MARCHF1: variants seen among roughly 807,000 people sequenced by gnomAD.
MARCHF1 encodes the protein membrane associated ring-CH-type finger 1, also known as E3 ubiquitin-protein ligase MARCHF1.
Under a neutral mutation model 54.2 loss-of-function variants are expected in MARCHF1, and 40 were observed. That is an observed-to-expected ratio of 0.74 (90% CI 0.57 to 0.96). The LOEUF (loss-of-function observed/expected upper bound fraction) is 0.96. Among genes scored for constraint, MARCHF1 ranks in the 40% least tolerant of loss-of-function variants. The probability of loss-of-function intolerance (pLI) is 0.00; values close to 1 mark genes in which losing one functional copy is unlikely to be tolerated. For missense variants in MARCHF1, 586 were observed against 656.5 expected (o/e 0.89, Z 1.17); for synonymous variants, 236 against 236.3 (o/e 1.00, Z 0.01).
intron 1 of MARCHF1, among the ~76,000 whole-genome samples, chr4:164,365,027 T>C (rs1002026658): frequency 1.3e-5 from 2 of 152,042 alleles, no homozygotes; most frequent in Non-Finnish European, 2.9e-5. Flanking sequence ...TTGATAATTA[T>C]GGAATTATTA....
At chr4:163,668,406 A>G (rs1367075594) in intron 5 of MARCHF1, among the ~76,000 whole-genome samples, 2 of 152,222 alleles carry the variant, frequency 1.3e-5, no homozygotes, top group Non-Finnish European at 2.9e-5. Context: ...ATGAAAAAAT[A>G]CTATTTCATA....
chr4:163,923,628 A>C (rs1417846031), intron 3 of MARCHF1, among the ~76,000 whole-genome samples: 1 of 152,100 alleles, frequency 6.6e-6, no homozygotes, highest in African/African-American at 2.4e-5. Context: ...GCAGGAAAGT[A>C]AATCTATCTA....
At chr4:163,996,408 C>A (rs1308815357) in intron 2 of MARCHF1, among the ~76,000 whole-genome samples, 1 of 151,726 alleles carries the variant, frequency 6.6e-6, no homozygotes, top group Non-Finnish European at 1.5e-5. Context: ...ATGCTATATT[C>A]CTAAAGTTCC....
chr4:163,848,362 G>A (rs1006301653), intron 4 of MARCHF1, among the ~76,000 whole-genome samples: 3 of 151,796 alleles, frequency 2.0e-5, no homozygotes, highest in Non-Finnish European at 4.4e-5. Flanking sequence ...TTTTTTCTTT[G>A]TAACTCCAGT....
At chr4:164,377,765 A>G (rs1037676546) in intron 1 of MARCHF1, among the ~76,000 whole-genome samples, 5 of 152,216 alleles carry the variant, frequency 3.3e-5, no homozygotes, top group African/African-American at 1.2e-4. Flanking sequence ...GATTTACCTC[A>G]AAATTTAAAA....
chr4:164,032,976 A>G (rs1369649054), intron 2 of MARCHF1, among the ~76,000 whole-genome samples: 1 of 152,144 alleles, frequency 6.6e-6, no homozygotes, highest in Non-Finnish European at 1.5e-5. Flanking sequence ...AATGCAACAG[A>G]ATAGAGACCT....
chr4:164,312,264 A>C (rs1054150721), intron 1 of MARCHF1, among the ~76,000 whole-genome samples: 6 of 151,860 alleles, frequency 4.0e-5, no homozygotes, highest in African/African-American at 1.5e-4. Flanking sequence ...CACGTAAAGC[A>C]ACTGTATTTT....
intron 3 of MARCHF1, among the ~76,000 whole-genome samples, chr4:163,941,574 T>G (rs750727720): frequency 3.9e-5 from 6 of 152,144 alleles, no homozygotes; most frequent in Non-Finnish European, 8.8e-5. Context: ...TTTTGGGTCC[T>G]TCTCAGTCCA....
chr4:164,227,020 A>G (rs1170150839), intron 1 of MARCHF1, among the ~76,000 whole-genome samples: 1 of 152,120 alleles, frequency 6.6e-6, no homozygotes. Context: ...GCATATTACA[A>G]CTGAGGAGCA....
chr4:164,345,305 G>A (rs1056910266), intron 1 of MARCHF1, among the ~76,000 whole-genome samples: 1 of 152,006 alleles, frequency 6.6e-6, no homozygotes, highest in Admixed American at 6.6e-5. Flanking sequence ...AGTGGTTCAG[G>A]CCTGTAATCC....
intron 5 of MARCHF1, among the ~76,000 whole-genome samples, chr4:163,621,887 C>T (rs79677438): frequency 0.017 from 2,588 of 152,164 alleles, 69 homozygotes; most frequent in African/African-American, 0.057. Context: ...ACCAAGAGCA[C>T]GACTCTTGTT....
chr4:163,580,455 A>G (rs187987311), intron 8 of MARCHF1, among the ~76,000 whole-genome samples: 2 of 152,296 alleles, frequency 1.3e-5, no homozygotes, highest in African/African-American at 4.8e-5. Context: ...GCTACATTAA[A>G]TGTTGAATAA....
At chr4:164,094,458 G>C (rs536748081) in intron 2 of MARCHF1, among the ~76,000 whole-genome samples, 3 of 152,164 alleles carry the variant, frequency 2.0e-5, no homozygotes, top group Non-Finnish European at 4.4e-5. Flanking sequence ...GGAGAGAACA[G>C]AGTAAGATTT....
intron 9 of MARCHF1, among the ~76,000 whole-genome samples, chr4:163,539,643 G>A (rs1283924245): frequency 6.6e-6 from 1 of 152,186 alleles, no homozygotes; most frequent in Non-Finnish European, 1.5e-5. Context: ...CACAGAGGGA[G>A]GAAGTCTAGT....
At chr4:163,967,643 C>T (rs1392811818) in intron 3 of MARCHF1, among the ~76,000 whole-genome samples, 1 of 152,082 alleles carries the variant, frequency 6.6e-6, no homozygotes, top group Non-Finnish European at 1.5e-5. Flanking sequence ...TCCAGAGCAA[C>T]AGAAATAAGA....
chr4:163,764,881 A>G (rs1009093621), intron 4 of MARCHF1, among the ~76,000 whole-genome samples: 8 of 152,202 alleles, frequency 5.3e-5, no homozygotes, highest in Admixed American at 2.6e-4. Context: ...GAATATTGTG[A>G]CCAGTTGTTT....
chr4:163,975,188 TCTCTCTCTCACACA>T (rs1348736454), intron 3 of MARCHF1, among the ~76,000 whole-genome samples: 22 of 133,942 alleles, frequency 1.6e-4, no homozygotes, highest in Admixed American at 7.1e-4. Context: ...TCTCTCTCTC[TCTCTCTCTCACACA>T]CACACACACA....
intron 5 of MARCHF1, among the ~76,000 whole-genome samples, chr4:163,639,223 T>C (rs1218499455): frequency 6.6e-6 from 1 of 152,120 alleles, no homozygotes; most frequent in Admixed American, 6.6e-5. Context: ...GCAGGAAAGA[T>C]GAGATTTATT....
chr4:163,725,318 A>G (rs1745618170), intron 4 of MARCHF1, among the ~76,000 whole-genome samples: 1 of 152,120 alleles, frequency 6.6e-6, no homozygotes, highest in African/African-American at 2.4e-5. Flanking sequence ...TCCACAAAAA[A>G]TACAAAAAAG....
Sources: allele counts gnomAD v4.1 joint callset (sites outside exome capture counted in the v4.1 genomes callset), GRCh38; gene constraint gnomAD v4.1.1; transcripts MANE v1.5; gene names NCBI Gene and HGNC (gene_info 2026-07-23, HGNC 2026-07-21).